The following SFT2D1 variants were observed in gnomAD, a reference collection of about 807,000 sequenced individuals.
SFT2D1 encodes the protein vesicle transport protein SFT2A.
In SFT2D1, 24 loss-of-function variants were observed where a neutral mutation model predicts 28.1. The ratio of observed to expected loss-of-function variants is 0.85; its 90% CI spans 0.62 to 1.20. The LOEUF (loss-of-function observed/expected upper bound fraction) is 1.20. SFT2D1 is among the 50% of genes most tolerant of loss of function. The pLI is 0.00. For synonymous variants in SFT2D1, 82 were observed against 73.7 expected (o/e 1.11, Z -0.58); for missense variants, 181 against 190.9 (o/e 0.95, Z 0.31).
intron 1 of SFT2D1, chr6:166,334,611 T>TCACTGGAGGGCCGACTGTGCAATCTCGG (rs1202623859): frequency 0.013 from 2,427 of 187,380 alleles, 60 homozygotes; most frequent in African/African-American, 0.055. Context: ...TGGAAGCTCC[T>TCACTGGAGGGCCGACTGTGCAATCTCGG]CACTGGAGGG....
chr6:166,337,557 C>CCT (rs1269067530), intron 1 of SFT2D1, among the ~76,000 whole-genome samples: 2 of 152,022 alleles, frequency 1.3e-5, no homozygotes, highest in African/African-American at 4.8e-5. Flanking sequence ...AAGACAGCTT[C>CCT]CTCCTTGTGT....
At chr6:166,339,511 G>A (rs928289700) in intron 1 of SFT2D1, among the ~76,000 whole-genome samples, 2 of 152,068 alleles carry the variant, frequency 1.3e-5, no homozygotes, top group Admixed American at 6.5e-5. Flanking sequence ...TGCTCCACAG[G>A]AAAAATCACT....
intron 1 of SFT2D1, among the ~76,000 whole-genome samples, chr6:166,335,662 T>C (rs991061827): frequency 4.0e-5 from 6 of 151,112 alleles, no homozygotes; most frequent in East Asian, 1.9e-4. Context: ...GTTCCAATAA[T>C]GGAATACCAG....
At chr6:166,333,785 ACCACTTCAAACCT>A (rs1778594989) in intron 1 of SFT2D1, among the ~76,000 whole-genome samples, 1 of 152,034 alleles carries the variant, frequency 6.6e-6, no homozygotes, top group Non-Finnish European at 1.5e-5. Flanking sequence ...TTTACTCTAA[ACCACTTCAAACCT>A]CCACTTCCTG....
At position 166,319,762 on chromosome 6, in the gene SFT2D1, TAA is replaced by T. The variant is rs998526595; in HGVS notation, c.*453_*454del. 2.6e-5 allele frequency: 4 copies of T among 152,158 alleles called. No homozygotes were observed. Among genetic ancestry groups the T allele is most frequent in the Admixed American group, 2.0e-4 (3 of 15,272 alleles). The allele number at this position is 152,158 out of a possible 1,614,324, so 9.4% of individuals were successfully genotyped here. On this transcript the variant is annotated 3_prime_UTR_variant, in exon 8 of 8. Coordinates refer to ENST00000361731, the MANE Select transcript of SFT2D1 (RefSeq NM_145169.3). Reference sequence around the variant, plus strand: ...CAAGGATGGGTTTATTTCAAAATTGTAAAGATTTATATATTATTTTTATTACA... The same window carrying T: ...CAAGGATGGGTTTATTTCAAAATTGTAGATTTATATATTATTTTTATTACA...
At chr6:166,320,337 C>T in intron 7 of SFT2D1, 81 bp from the exon 8 acceptor site, 1 of 1,153,400 alleles carries the variant, frequency 8.7e-7, no homozygotes, top group East Asian at 2.5e-5. Flanking sequence ...GCTAAATCAC[C>T]TTTTTTAACA....
At chr6:166,338,531 T>C (rs1429405181) in intron 1 of SFT2D1, among the ~76,000 whole-genome samples, 1 of 151,914 alleles carries the variant, frequency 6.6e-6, no homozygotes, top group Non-Finnish European at 1.5e-5. Flanking sequence ...AGTGAAGACA[T>C]CAGGAAGTGA....
Position 166,342,412 on chromosome 6 carries a change from T to A in SFT2D1, c.63+7A>T. On this transcript the variant is annotated splice_region_variant and intron_variant, in intron 1 of 7. Coordinates refer to ENST00000361731, the MANE Select transcript of SFT2D1 (RefSeq NM_145169.3). ...CCCGGGACTGGACGAGGGCGCAAGT[T>A]CGCTACCTGCGCAGTCAGGCCCTGC... The A allele has an allele frequency of 1.3e-6, 2 of 1,552,950 alleles. No homozygotes were observed. Among genetic ancestry groups the A allele is most frequent in the Non-Finnish European group, 1.7e-6 (2 of 1,148,842 alleles).
At chr6:166,335,626 A>G (rs1338225344) in intron 1 of SFT2D1, among the ~76,000 whole-genome samples, 1 of 152,106 alleles carries the variant, frequency 6.6e-6, no homozygotes, top group Non-Finnish European at 1.5e-5. Context: ...GAACAGGAGA[A>G]CATAAATAAC....
At chr6:166,326,221 T>C (rs895529358) in intron 4 of SFT2D1, 54 bp from the exon 5 acceptor site, 3 of 1,458,672 alleles carry the variant, frequency 2.1e-6, no homozygotes, top group African/African-American at 1.4e-5. Context: ...AAAAGCCTAA[T>C]AAAAATGCAT....
chr6:166,331,539 T>C (rs544809732), intron 1 of SFT2D1: 22 of 152,610 alleles, frequency 1.4e-4, no homozygotes, highest in Admixed American at 3.9e-4. Flanking sequence ...CATCTGTTTA[T>C]GGCAAAACTA....
intron 7 of SFT2D1, among the ~76,000 whole-genome samples, chr6:166,322,098 G>C (rs1251585077): frequency 6.6e-6 from 1 of 152,146 alleles, no homozygotes; most frequent in Non-Finnish European, 1.5e-5. Context: ...GGCCAGGCTG[G>C]TCTTGAACTC....
intron 1 of SFT2D1, chr6:166,335,040 C>T (rs541074434): frequency 4.6e-5 from 24 of 519,922 alleles, no homozygotes; most frequent in Non-Finnish European, 7.4e-5. Context: ...CTGACAACCA[C>T]GACGCTGTGG....
At chr6:166,328,445 C>T (rs1295417095) in intron 3 of SFT2D1, 88 bp from the exon 4 acceptor site, 6 of 739,462 alleles carry the variant, frequency 8.1e-6, no homozygotes, top group Middle Eastern at 6.3e-4. Flanking sequence ...AAAAAGAAGC[C>T]CTGTTGCTTT....
intron 1 of SFT2D1, among the ~76,000 whole-genome samples, chr6:166,340,168 G>C (rs943260872): frequency 1.3e-5 from 2 of 152,148 alleles, no homozygotes; most frequent in African/African-American, 4.8e-5. Context: ...TTTTAAACAG[G>C]CTTTTTTGCT....
Position 166,335,577 on chromosome 6 carries a change from C to T in SFT2D1, c.64-5330G>A, listed in dbSNP as rs777454976. On this transcript the variant is annotated intron_variant, in intron 1 of 7. Transcript: ENST00000361731. ...TAACCCATTTATGCCTGAGGTTGCA[C>T]TTTTTGAATTTGAAAAATCAGACCT... The T allele has an allele frequency of 7.8e-6, 3 of 386,628 alleles. No homozygotes were observed. The East Asian group carries it at 1.8e-4, about 23-fold the overall frequency. 23.9% of individuals were successfully genotyped at this position (386,628 alleles called of 1,614,324 possible).
intron 1 of SFT2D1, chr6:166,335,104 A>T: frequency 1.7e-6 from 1 of 580,814 alleles, no homozygotes; most frequent in Non-Finnish European, 3.3e-6. Flanking sequence ...CTGTGAAGTT[A>T]GGGAAGTCCT....
rs982448847 is a variant in SFT2D1, at chr6:166,328,412, T to C, written c.234-55A>G. ...ACAGGTCTACTAATTTATCTGGTTA[T>C]GCAAAAATAAACTACTTTTTTAAAA... On this transcript the variant is annotated intron_variant, in intron 3 of 7. Coordinates refer to ENST00000361731, the MANE Select transcript of SFT2D1 (RefSeq NM_145169.3). 5.7e-6 allele frequency: 6 copies of C among 1,043,634 alleles called. No homozygotes were observed. In the African/African-American group the frequency reaches 9.9e-5, roughly 17 times the overall value. The allele number at this position is 1,043,634 out of a possible 1,614,324, so 64.6% of individuals were successfully genotyped here.
chr6:166,324,225 G>A (rs1217445029), intron 6 of SFT2D1: 14 of 256,544 alleles, frequency 5.5e-5, no homozygotes, highest in Non-Finnish European at 9.6e-5. Flanking sequence ...CCTGTGATTT[G>A]GTCTCACTTT....
Sources: allele counts gnomAD v4.1 joint callset (sites outside exome capture counted in the v4.1 genomes callset), GRCh38; gene constraint gnomAD v4.1.1; transcripts MANE v1.5; gene names NCBI Gene and HGNC (gene_info 2026-07-23, HGNC 2026-07-21).